NCKAP5: variants seen among roughly 807,000 people sequenced by gnomAD.
The protein encoded by NCKAP5 is NCK associated protein 5.
In NCKAP5, 92 loss-of-function variants were observed where a neutral mutation model predicts 167.0. The observed-to-expected ratio is 0.55, with a 90% CI of 0.47 to 0.66. The LOEUF (loss-of-function observed/expected upper bound fraction) is 0.66, where lower values mean the gene tolerates loss of function less well. NCKAP5 is among the 30% of genes least tolerant of loss of function. The probability of loss-of-function intolerance (pLI) is 0.00; values close to 1 mark genes in which losing one functional copy is unlikely to be tolerated. For synonymous variants in NCKAP5, 891 were observed against 877.4 expected, an observed-to-expected ratio of 1.02 and a Z score of -0.27; for missense variants, 2,378 against 2,315.0, an observed-to-expected ratio of 1.03 and a Z score of -0.56.
chr2:133,059,586 T>A (rs2079922773), intron 6 of NCKAP5, among the ~76,000 whole-genome samples: 1 of 151,306 alleles, frequency 6.6e-6, no homozygotes, highest in Non-Finnish European at 1.5e-5. Context: ...GGTGAGAGGA[T>A]CGCTTAAGCC....
At chr2:133,267,608 C>T (rs936918724) in intron 4 of NCKAP5, among the ~76,000 whole-genome samples, 4 of 152,188 alleles carry the variant, frequency 2.6e-5, no homozygotes, top group Non-Finnish European at 5.9e-5. Context: ...GGCAAGAAAA[C>T]GCTGAATTCC....
intron 2 of NCKAP5, among the ~76,000 whole-genome samples, chr2:133,524,617 T>C (rs908110726): frequency 6.6e-6 from 1 of 152,150 alleles, no homozygotes; most frequent in Admixed American, 6.5e-5. Flanking sequence ...CACGACCTCC[T>C]TTCTTCCCAC....
intron 5 of NCKAP5, among the ~76,000 whole-genome samples, chr2:133,210,421 C>G (rs1194366090): frequency 6.6e-6 from 1 of 151,920 alleles, no homozygotes; most frequent in Non-Finnish European, 1.5e-5. Flanking sequence ...TACATAATTT[C>G]TTCTATACCA....
In NCKAP5 at chr2:132,784,550, A is replaced by G. The variant is rs199960094; in HGVS notation, c.2261T>C (p.Val754Ala). 7.0e-6 allele frequency: 11 copies of G among 1,567,616 alleles called. No individual in the cohort carries two copies. Among genetic ancestry groups the G allele is most frequent in the African/African-American group, 1.4e-5 (1 of 73,374 alleles). The change falls in exon 14 of 20, where the codon GTG becomes GCG. Residue 754 changes from valine (V) to alanine (A), a missense_variant. Physicochemically the swap from Val to Ala is moderately conservative, Grantham distance 64 (BLOSUM62 0). Around this residue, in one of 3 missense-constraint regions of NCKAP5, gnomAD observed 1,049 missense variants for 1,023.4 expected, o/e 1.02. Transcript: ENST00000409261. ...PKDNVDNVPR[V>A]STESFSSRTV... ...CCTGGAGCTGAAAGATTCAGTGGACACCCTGGGAACATTATCTACATTATC... is the reference window on the plus strand; with the variant it reads ...CCTGGAGCTGAAAGATTCAGTGGACGCCCTGGGAACATTATCTACATTATC...
intron 3 of NCKAP5, among the ~76,000 whole-genome samples, chr2:133,488,676 A>G (rs1681137179): frequency 6.6e-6 from 1 of 151,928 alleles, no homozygotes; most frequent in Non-Finnish European, 1.5e-5. Flanking sequence ...CTACCAAATT[A>G]AATTTGGGAG....
chr2:132,876,855 C>A (rs1691322483), intron 9 of NCKAP5, among the ~76,000 whole-genome samples: 1 of 152,138 alleles, frequency 6.6e-6, no homozygotes, highest in South Asian at 2.1e-4. Context: ...GTACGGAGTG[C>A]AGGCATGGGA....
chr2:133,523,412 T>G (rs911032745), intron 2 of NCKAP5, among the ~76,000 whole-genome samples: 1 of 152,054 alleles, frequency 6.6e-6, no homozygotes, highest in Non-Finnish European at 1.5e-5. Context: ...CCACTTCCCA[T>G]CCCTGCTTTC....
At chr2:133,483,415 A>G (rs1381476432) in intron 3 of NCKAP5, among the ~76,000 whole-genome samples, 1 of 152,206 alleles carries the variant, frequency 6.6e-6, no homozygotes, top group Non-Finnish European at 1.5e-5. Flanking sequence ...ATACAGGAGC[A>G]GTCTAAGTCT....
chr2:133,599,750 G>A, the NCKAP5 span, among the ~76,000 whole-genome samples: 1 of 152,212 alleles, frequency 6.6e-6, no homozygotes, highest in Admixed American at 6.5e-5. Flanking sequence ...CCCTCCTGGG[G>A]CCCTGGGTGA....
chr2:133,495,428 ACG>A (rs1681856712), intron 3 of NCKAP5, among the ~76,000 whole-genome samples: 7 of 152,170 alleles, frequency 4.6e-5, no homozygotes, highest in Admixed American at 3.9e-4. Flanking sequence ...AAACACACTG[ACG>A]CTTAGTGCAG....
intron 19 of NCKAP5, among the ~76,000 whole-genome samples, chr2:132,691,469 G>A (rs902020052): frequency 2.6e-5 from 4 of 152,008 alleles, no homozygotes; most frequent in Non-Finnish European, 5.9e-5. Context: ...CCAGGGACAC[G>A]TCACACATAC....
Position 132,868,936 on chromosome 2 carries a change from CT to C in NCKAP5, c.686del (p.Lys229ArgfsTer3). The C allele has an allele frequency of 6.5e-7, 1 of 1,545,432 alleles. No individual in the cohort carries two copies. The stretch of plus-strand genomic sequence containing the variant: ...AGAACAAAGTCAGAAAGTGACCTAC[CT>C]TTTGAGTAAGCAGAGCTTGAACAAC... ...NQVVQALLTQ[K>X]DLREECVKLK... On this transcript the variant is annotated frameshift_variant and splice_region_variant, in exon 10 of 20. Transcript: ENST00000409261. LOFTEE classifies it high-confidence loss of function.
At chr2:133,155,509 C>T (rs1446757697) in intron 5 of NCKAP5, among the ~76,000 whole-genome samples, 1 of 152,190 alleles carries the variant, frequency 6.6e-6, no homozygotes, top group African/African-American at 2.4e-5. Flanking sequence ...AAAGTCTGTG[C>T]TCTTCTCAAG....
In NCKAP5 at chr2:133,356,202, C is replaced by T. The variant is rs541181138; in HGVS notation, c.70-53092G>A. Among the ~76,000 whole-genome samples the T allele has an allele frequency of 3.6e-4, 55 of 152,288 alleles. 1 individual carries two copies. The highest frequency in any genetic ancestry group is 1.3e-3 in the African/African-American group (55 of 41,562). ...TCAGCCTCCCAAAGTGCTGGGATTA[C>T]AGGCATGAGCCACCTCGCCCAACTA... On this transcript the variant is annotated intron_variant, in intron 3 of 19. Coordinates refer to ENST00000409261, the MANE Select transcript of NCKAP5 (RefSeq NM_207363.3).
At chr2:132,939,570 T>C (rs1360765787) in intron 8 of NCKAP5, among the ~76,000 whole-genome samples, 1 of 152,216 alleles carries the variant, frequency 6.6e-6, no homozygotes, top group African/African-American at 2.4e-5. Context: ...TTATTTGTAT[T>C]TTATTTTTTC....
chr2:132,990,736 G>A (rs1366133801), intron 7 of NCKAP5, among the ~76,000 whole-genome samples: 2 of 152,168 alleles, frequency 1.3e-5, no homozygotes, highest in Non-Finnish European at 2.9e-5. Context: ...GCTAGATTCT[G>A]GAAAAAGCAA....
chr2:132,866,945 C>T (rs889774989), intron 10 of NCKAP5, among the ~76,000 whole-genome samples: 1 of 152,152 alleles, frequency 6.6e-6, no homozygotes, highest in Non-Finnish European at 1.5e-5. Flanking sequence ...TGGAGGCACA[C>T]ATTTCTGCAG....
intron 6 of NCKAP5, chr2:133,118,341 C>T (rs1317804701): frequency 6.6e-6 from 1 of 151,686 alleles, no homozygotes; most frequent in East Asian, 1.9e-4. Context: ...ATTCTTTATA[C>T]AGTATTATCT....
chr2:133,503,249 A>G (rs961689757), intron 3 of NCKAP5, among the ~76,000 whole-genome samples: 1 of 152,142 alleles, frequency 6.6e-6, no homozygotes, highest in Admixed American at 6.5e-5. Flanking sequence ...TTTCTGCTCA[A>G]CTGTACTGGG....
Sources: allele counts gnomAD v4.1 joint callset (sites outside exome capture counted in the v4.1 genomes callset), GRCh38; gene constraint gnomAD v4.1.1; regional missense constraint gnomAD v4.1.1; transcripts MANE v1.5; gene names NCBI Gene and HGNC (gene_info 2026-07-23, HGNC 2026-07-21).